SHC3: variants seen among roughly 807,000 people sequenced by gnomAD.
SHC3 encodes SHC-transforming protein 3.
SHC3 carries 15 observed loss-of-function variants against 60.4 expected under a neutral mutation model. The observed-to-expected ratio is 0.25, with a 90% CI of 0.17 to 0.38. The LOEUF is 0.38. Among genes scored for constraint, SHC3 ranks in the 10% least tolerant of loss-of-function variants. SHC3 has a pLI of 1.00. For missense variants in SHC3, 677 were observed against 786.1 expected (o/e 0.86, Z 1.66); for synonymous variants, 294 against 325.9 (o/e 0.90, Z 1.05).
chr9:89,162,027 A>G (rs1281093985), intron 1 of SHC3, among the ~76,000 whole-genome samples: 1 of 121,926 alleles, frequency 8.2e-6, no homozygotes, highest in Non-Finnish European at 1.7e-5. Flanking sequence ...TAGGAATCCA[A>G]CTTACAAGGT....
chr9:89,017,216 C>G (rs564273865), intron 11 of SHC3, among the ~76,000 whole-genome samples: 1 of 152,270 alleles, frequency 6.6e-6, no homozygotes, highest in East Asian at 1.9e-4. Context: ...AAGAACAAAG[C>G]TGGAGGCATC....
At chr9:89,023,851 C>T (rs1217835053) in intron 11 of SHC3, among the ~76,000 whole-genome samples, 1 of 152,196 alleles carries the variant, frequency 6.6e-6, no homozygotes, top group Non-Finnish European at 1.5e-5. Context: ...TTAAAAGGGT[C>T]TGTTGCCTAG....
intron 6 of SHC3, among the ~76,000 whole-genome samples, chr9:89,063,939 A>G (rs1433654802): frequency 1.3e-5 from 2 of 152,328 alleles, no homozygotes; most frequent in South Asian, 2.1e-4. Flanking sequence ...GGTGACTTCA[A>G]CAACAGACAT....
chr9:89,021,575 C>T (rs1324838691), intron 11 of SHC3, among the ~76,000 whole-genome samples: 1 of 152,156 alleles, frequency 6.6e-6, no homozygotes, highest in African/African-American at 2.4e-5. Flanking sequence ...AAGGAAGTAC[C>T]GCAGGAAAGT....
intron 2 of SHC3, among the ~76,000 whole-genome samples, chr9:89,105,517 T>C (rs1001645099): frequency 2.0e-5 from 3 of 152,238 alleles, no homozygotes; most frequent in African/African-American, 4.8e-5. Flanking sequence ...GTTCATATGG[T>C]TCACCTTGAT....
chr9:89,165,483 G>A, intron 1 of SHC3, among the ~76,000 whole-genome samples: 1 of 130,870 alleles, frequency 7.6e-6, no homozygotes. Context: ...ATTTCCCAAA[G>A]CAATTTTCTG....
intron 11 of SHC3, among the ~76,000 whole-genome samples, chr9:89,023,063 C>T (rs7029601): frequency 0.97 from 147,517 of 152,260 alleles, 71,577 homozygotes; most frequent in Middle Eastern, 1. Context: ...AGTCAGCCAC[C>T]CCTGGCCTTG....
At chr9:89,138,884 T>A (rs972236769) in intron 1 of SHC3, among the ~76,000 whole-genome samples, 1 of 152,118 alleles carries the variant, frequency 6.6e-6, no homozygotes, top group South Asian at 2.1e-4. Context: ...ATAGTAAGGG[T>A]GATTCATGAC....
At position 89,072,631 on chromosome 9, in the gene SHC3, C is replaced by T. The variant is rs79361554; in HGVS notation, c.730-1379G>A. 8.4e-3 allele frequency among the ~76,000 whole-genome samples: 1,274 copies of T among 152,122 alleles called. 27 individuals carry two copies. The highest frequency in any genetic ancestry group is 0.029 in the African/African-American group (1,196 of 41,472). ...AGACACTGAGTAAATTAGAAGCTGCCCTAAATTTAAAAAGCTACATAAGTC... is the reference window on the plus strand; with the variant it reads ...AGACACTGAGTAAATTAGAAGCTGCTCTAAATTTAAAAAGCTACATAAGTC... On this transcript the variant is annotated intron_variant, in intron 4 of 11. Coordinates refer to ENST00000375835, the MANE Select transcript of SHC3 (RefSeq NM_016848.6).
At chr9:89,129,654 A>G (rs550893746) in intron 1 of SHC3, among the ~76,000 whole-genome samples, 77 of 152,318 alleles carry the variant, frequency 5.1e-4, no homozygotes, top group African/African-American at 1.6e-3. Flanking sequence ...ATCCAGCCAA[A>G]CTAAGCTTCA....
chr9:89,105,264 G>A (rs1435944341), intron 2 of SHC3, among the ~76,000 whole-genome samples: 1 of 152,132 alleles, frequency 6.6e-6, no homozygotes, highest in Admixed American at 6.5e-5. Flanking sequence ...TGCTACTCCT[G>A]ACTGTAGTCT....
At position 89,178,251 on chromosome 9, in the gene SHC3, C is replaced by T. The variant is rs1826975666; in HGVS notation, c.210G>A (p.Lys70=). ...AGCTGGAGAGTTTCAGGTGGGACAC[C>T]TTGTGGAGCAGGTGGCCCAGGCTGC... ...GPGSLGHLLH[K]VSHLKLSSSG... is the part of the protein sequence containing the mutation. Residue 70 remains lysine (K), a synonymous_variant, in exon 1 of 12, where the codon AAG becomes AAA. Transcript: ENST00000375835. This position sits in a 1 kb window ranked among gnomAD's most constrained non-coding sequence, Gnocchi z 6.9. 1 of 1,527,228 alleles carries T rather than the reference C, an allele frequency of 6.5e-7. No individual in the cohort carries two copies. Among genetic ancestry groups the T allele is most frequent in the South Asian group, 1.2e-5 (1 of 81,908 alleles). The allele number at this position is 1,527,228 out of a possible 1,614,324, so 94.6% of individuals were successfully genotyped here.
intron 1 of SHC3, among the ~76,000 whole-genome samples, chr9:89,151,179 T>C (rs888783882): frequency 6.6e-6 from 1 of 152,108 alleles, no homozygotes; most frequent in Non-Finnish European, 1.5e-5. Context: ...ACACGGTGCC[T>C]GGCTATTTTT....
At position 89,016,048 on chromosome 9, in the gene SHC3, G is replaced by A. The variant is rs1442753591; in HGVS notation, c.1657-2473C>T. On this transcript the variant is annotated intron_variant, in intron 11 of 11. Coordinates refer to ENST00000375835, the MANE Select transcript of SHC3 (RefSeq NM_016848.6). ...TCAATAAATTGAAAACAGCAAATCA[G>A]TAGAAAAAATAAATGAAACCAAAAG... Among the ~76,000 whole-genome samples, 4 of 151,914 alleles carry A rather than the reference G, an allele frequency of 2.6e-5. No homozygotes were observed. The East Asian group carries it at 7.7e-4, about 29-fold the overall frequency.
At chr9:89,018,158 T>G (rs1390418800) in intron 11 of SHC3, among the ~76,000 whole-genome samples, 1 of 152,166 alleles carries the variant, frequency 6.6e-6, no homozygotes, top group Non-Finnish European at 1.5e-5. Context: ...CCCAAAGGAT[T>G]TTAAATCATT....
intron 1 of SHC3, among the ~76,000 whole-genome samples, chr9:89,132,618 C>A (rs1182618898): frequency 6.6e-6 from 1 of 152,090 alleles, no homozygotes; most frequent in East Asian, 1.9e-4. Context: ...CATCTACAAC[C>A]ATCTGATCTT....
rs1825821239 is a variant in SHC3 at position 89,104,120 on chromosome 9, A to G, written c.545+8436T>C. Among the ~76,000 whole-genome samples, 4 of 152,174 alleles carry G rather than the reference A, an allele frequency of 2.6e-5. No homozygotes were observed. In the South Asian group the frequency reaches 6.2e-4, roughly 24 times the overall value. On this transcript the variant is annotated intron_variant, in intron 2 of 11. Coordinates refer to ENST00000375835, the MANE Select transcript of SHC3 (RefSeq NM_016848.6). ...TCTATTTAAACCATTCTCAGTCACC[A>G]AGTCATCTATGTTCTCCATTTTTAA...
At chr9:89,083,770 T>C (rs1198391362) in intron 2 of SHC3, among the ~76,000 whole-genome samples, 1 of 152,146 alleles carries the variant, frequency 6.6e-6, no homozygotes, top group Non-Finnish European at 1.5e-5. Flanking sequence ...TCTCTCTTTT[T>C]CTCATGGGTC....
At position 89,168,734 on chromosome 9, in the gene SHC3, A is replaced by C. The variant is rs1826826439; in HGVS notation, c.474+9253T>G. 1.3e-5 allele frequency among the ~76,000 whole-genome samples: 2 copies of C among 152,178 alleles called. 1 individual carries two copies. Among genetic ancestry groups the C allele is most frequent in the East Asian group, 3.8e-4 (2 of 5,200 alleles). ...TAAACATTATTCTGGTGTGTCTGTG[A>C]GAGTTTTTTCCTTTTTGATAAAATT... is the stretch of plus-strand genomic sequence containing the variant. On this transcript the variant is annotated intron_variant, in intron 1 of 11. Transcript: ENST00000375835.
Sources: allele counts gnomAD v4.1 joint callset (sites outside exome capture counted in the v4.1 genomes callset), GRCh38; gene constraint gnomAD v4.1.1; non-coding constraint Gnocchi (gnomAD v3.1); transcripts MANE v1.5; gene names NCBI Gene and HGNC (gene_info 2026-07-23, HGNC 2026-07-21).